Variants in FAM13A observed in about 807,000 individuals in gnomAD.
FAM13A encodes the protein protein FAM13A.
A neutral mutation model predicts 129.6 loss-of-function variants in FAM13A; 76 were observed. The ratio of observed to expected loss-of-function variants is 0.59; its 90% CI spans 0.49 to 0.71. FAM13A has a LOEUF of 0.71. Ranked by LOEUF, FAM13A falls within the 30% of genes least tolerant of loss-of-function variation. The pLI is 0.00. For missense variants in FAM13A, 1,108 were observed against 1,249.3 expected (o/e 0.89, Z 1.70); for synonymous variants, 443 against 449.9 (o/e 0.98, Z 0.20).
At chr4:88,818,734 C>A (rs978424199) in intron 7 of FAM13A, among the ~76,000 whole-genome samples, 1 of 152,190 alleles carries the variant, frequency 6.6e-6, no homozygotes, top group African/African-American at 2.4e-5. Context: ...CCCTCCCAGA[C>A]TGTGTTTGTG....
intron 6 of FAM13A, among the ~76,000 whole-genome samples, chr4:88,883,984 G>A (rs1371446686): frequency 6.6e-6 from 1 of 151,950 alleles, no homozygotes; most frequent in Non-Finnish European, 1.5e-5. Flanking sequence ...ACTCTGCACA[G>A]ATGAATAACA....
intron 6 of FAM13A, among the ~76,000 whole-genome samples, chr4:88,887,599 C>G (rs1744661268): frequency 6.7e-6 from 1 of 148,318 alleles, no homozygotes; most frequent in Non-Finnish European, 1.5e-5. Context: ...AGCATGATCT[C>G]AGCTCACTGC....
At chr4:88,938,962 G>T (rs1300045650) in intron 4 of FAM13A, among the ~76,000 whole-genome samples, 7 of 152,180 alleles carry the variant, frequency 4.6e-5, no homozygotes, top group Non-Finnish European at 7.3e-5. Flanking sequence ...AGTTGGAAAT[G>T]TTGCAGAATA....
intron 4 of FAM13A, chr4:88,990,073 G>A (rs931833110): frequency 6.6e-6 from 1 of 152,096 alleles, no homozygotes; most frequent in Non-Finnish European, 1.5e-5. Context: ...TTACTTAAAA[G>A]TTAACACCTT....
At chr4:89,019,263 T>C (rs1417285841) in intron 3 of FAM13A, among the ~76,000 whole-genome samples, 1 of 152,188 alleles carries the variant, frequency 6.6e-6, no homozygotes, top group African/African-American at 2.4e-5. Flanking sequence ...TGCATGTGAA[T>C]AGGTACACCA....
intron 6 of FAM13A, among the ~76,000 whole-genome samples, chr4:88,880,335 G>C (rs1386627380): frequency 6.6e-6 from 1 of 152,188 alleles, no homozygotes; most frequent in South Asian, 2.1e-4. Context: ...TGAAGGTCCA[G>C]ATGACAGGAG....
At chr4:88,967,302 T>C (rs2148936736) in intron 4 of FAM13A, among the ~76,000 whole-genome samples, 1 of 152,324 alleles carries the variant, frequency 6.6e-6, no homozygotes, top group African/African-American at 2.4e-5. Flanking sequence ...CACAGTATGG[T>C]GAGAATAACT....
chr4:88,905,868 G>A (rs544129870), intron 6 of FAM13A: 14 of 152,716 alleles, frequency 9.2e-5, no homozygotes, highest in African/African-American at 3.4e-4. Context: ...TATAAAAAGT[G>A]CTTTTATACC....
chr4:88,791,813 T>C (rs1286266195), intron 8 of FAM13A, among the ~76,000 whole-genome samples: 1 of 152,108 alleles, frequency 6.6e-6, no homozygotes, highest in African/African-American at 2.4e-5. Flanking sequence ...TCTCTTTCAA[T>C]GTAGAATCTC....
intron 6 of FAM13A, among the ~76,000 whole-genome samples, chr4:88,899,642 C>A (rs1746938516): frequency 6.6e-6 from 1 of 151,932 alleles, no homozygotes; most frequent in African/African-American, 2.4e-5. Context: ...TCTGGGTAGA[C>A]AAACAAATGA....
intron 6 of FAM13A, among the ~76,000 whole-genome samples, chr4:88,883,275 T>C (rs1743879902): frequency 6.6e-6 from 1 of 151,972 alleles, no homozygotes. Context: ...ACAAAACAAG[T>C]ATCAGTAAAT....
intron 7 of FAM13A, among the ~76,000 whole-genome samples, chr4:88,819,552 A>G (rs1326744803): frequency 2.0e-5 from 3 of 152,174 alleles, no homozygotes; most frequent in African/African-American, 7.2e-5. Context: ...AACTCAATGA[A>G]ATATGAATTG....
chr4:88,886,067 G>A (rs1236589408), intron 6 of FAM13A, among the ~76,000 whole-genome samples: 1 of 152,080 alleles, frequency 6.6e-6, no homozygotes, highest in Non-Finnish European at 1.5e-5. Context: ...CACTGCTGGT[G>A]GGAATGAACA....
chr4:88,850,519 T>G (rs1305020332), intron 7 of FAM13A, among the ~76,000 whole-genome samples: 1 of 152,020 alleles, frequency 6.6e-6, no homozygotes, highest in Non-Finnish European at 1.5e-5. Context: ...ATTGCGCCAT[T>G]GCACTCCAGC....
At chr4:88,759,854 A>C (rs1744442471) in intron 13 of FAM13A, among the ~76,000 whole-genome samples, 1 of 151,672 alleles carries the variant, frequency 6.6e-6, no homozygotes, top group Non-Finnish European at 1.5e-5. Context: ...ACTCGAATTA[A>C]TTTTTTTTTA....
intron 3 of FAM13A, among the ~76,000 whole-genome samples, chr4:89,005,725 G>C (rs1764908249): frequency 6.6e-6 from 1 of 152,182 alleles, no homozygotes; most frequent in African/African-American, 2.4e-5. Flanking sequence ...TTTGAGAAGT[G>C]TCTGTTCATG....
chr4:89,047,616 A>G (rs893687271), intron 1 of FAM13A, among the ~76,000 whole-genome samples: 2 of 152,208 alleles, frequency 1.3e-5, no homozygotes, highest in African/African-American at 4.8e-5. Flanking sequence ...GGGAGTTTGC[A>G]GCACTCTTGC....
chr4:88,876,826 C>T (rs1742601348), intron 6 of FAM13A, among the ~76,000 whole-genome samples: 1 of 152,092 alleles, frequency 6.6e-6, no homozygotes, highest in Non-Finnish European at 1.5e-5. Flanking sequence ...TTCCTGACCT[C>T]GTGATCCACC....
At position 88,732,090 on chromosome 4, in the gene FAM13A, C is replaced by T. The variant is rs1305685821; in HGVS notation, c.2755G>A (p.Ala919Thr). The change falls in exon 22 of 24, where the codon GCT (alanine) becomes ACT (threonine). Residue 919 changes from alanine to threonine, a missense_variant. This residue lies in a region of FAM13A where 529 missense variants were observed against 621.2 expected (regional missense o/e 0.85). Transcript: ENST00000264344. The part of the protein sequence containing the change: ...RCFLDQFEDD[A>T]DGFISPMDDK... ...TCCATTGGGGAAATAAATCCATCAG[C>T]GTCATCTTCGAATTGGTCCAGAAAG... The T allele has an allele frequency of 1.2e-5, 19 of 1,613,836 alleles. No homozygotes were observed. The highest frequency in any genetic ancestry group is 1.6e-5 in the Non-Finnish European group (19 of 1,179,906).
Sources: allele counts gnomAD v4.1 joint callset (sites outside exome capture counted in the v4.1 genomes callset), GRCh38; gene constraint gnomAD v4.1.1; regional missense constraint gnomAD v4.1.1; transcripts MANE v1.5; gene names NCBI Gene and HGNC (gene_info 2026-07-23, HGNC 2026-07-21).